ABLIM2: variants seen among roughly 807,000 people sequenced by gnomAD.
The protein encoded by ABLIM2 is actin binding LIM protein family member 2.
In ABLIM2, 53 loss-of-function variants were observed where a neutral mutation model predicts 97.7. That is an observed-to-expected ratio of 0.54 (90% CI 0.44 to 0.68). The LOEUF is 0.68. Among genes scored for constraint, ABLIM2 ranks in the 30% least tolerant of loss-of-function variants. The pLI is 0.00. For synonymous variants in ABLIM2, 361 were observed against 345.8 expected (o/e 1.04, Z -0.49); for missense variants, 835 against 867.2 (o/e 0.96, Z 0.47).
chr4:8,150,691 C>G lies in ABLIM2; in HGVS notation c.10+7989G>C, dbSNP rs967312382. 6.6e-6 allele frequency among the ~76,000 whole-genome samples: 1 copy of G among 152,200 alleles called. No individual in the cohort carries two copies. Among genetic ancestry groups the G allele is most frequent in the Non-Finnish European group, 1.5e-5 (1 of 68,040 alleles). On this transcript the variant is annotated intron_variant, in intron 1 of 20. Coordinates refer to ENST00000447017, the MANE Select transcript of ABLIM2 (RefSeq NM_001130083.2). The surrounding 1 kb of genome is among the most constrained non-coding windows in gnomAD (Gnocchi z 6.3). ...GCTAAAATGAAGCTTCGAGCTGAGACCGATGACTCAAGACACCACGCCTCC... is the reference window on the plus strand; with the variant it reads ...GCTAAAATGAAGCTTCGAGCTGAGAGCGATGACTCAAGACACCACGCCTCC...
At chr4:8,030,602 G>A (rs559441374) in intron 10 of ABLIM2, among the ~76,000 whole-genome samples, 1 of 152,172 alleles carries the variant, frequency 6.6e-6, no homozygotes, top group Non-Finnish European at 1.5e-5. Flanking sequence ...ACCTCCATGC[G>A]CTCAGGCCAG....
At chr4:7,990,832 C>T (rs1748131180) in intron 17 of ABLIM2, among the ~76,000 whole-genome samples, 1 of 152,064 alleles carries the variant, frequency 6.6e-6, no homozygotes, top group South Asian at 2.1e-4. Flanking sequence ...CATAACAGTA[C>T]ATAAAAGTCG....
chr4:8,031,640 C>T (rs1780974004), intron 10 of ABLIM2, among the ~76,000 whole-genome samples: 1 of 152,192 alleles, frequency 6.6e-6, no homozygotes, highest in South Asian at 2.1e-4. Context: ...TATGTGACTT[C>T]CCTGTGCCTC....
chr4:8,145,267 T>C (rs986152579), intron 1 of ABLIM2, among the ~76,000 whole-genome samples: 86 of 152,110 alleles, frequency 5.7e-4, no homozygotes, highest in African/African-American at 2.0e-3. Flanking sequence ...CACTGCAATC[T>C]TCGCCTCCCA....
At chr4:8,048,709 A>C (rs1579763045) in intron 8 of ABLIM2, among the ~76,000 whole-genome samples, 1 of 151,236 alleles carries the variant, frequency 6.6e-6, no homozygotes, top group Non-Finnish European at 1.5e-5. Flanking sequence ...TTCCTCCTGG[A>C]CTCCCACCCA....
At chr4:8,031,863 A>G (rs1487269843) in intron 10 of ABLIM2, among the ~76,000 whole-genome samples, 1 of 151,584 alleles carries the variant, frequency 6.6e-6, no homozygotes, top group African/African-American at 2.4e-5. Context: ...AGCTGGGATT[A>G]CAGGTGTGTG....
rs1712032632 is a variant in ABLIM2, at chr4:8,149,879, G to A, written c.10+8801C>T. Among the ~76,000 whole-genome samples the A allele has an allele frequency of 6.6e-6, 1 of 152,062 alleles. No individual in the cohort carries two copies. Among genetic ancestry groups the A allele is most frequent in the Non-Finnish European group, 1.5e-5 (1 of 68,004 alleles). ...ACCCCACACAGCCGGTCCCTCTGTG[G>A]GACGATTCAGAGGCTCCCAGTGGGA... On this transcript the variant is annotated intron_variant, in intron 1 of 20. Coordinates refer to ENST00000447017, the MANE Select transcript of ABLIM2 (RefSeq NM_001130083.2). This position sits in a 1 kb window ranked among gnomAD's most constrained non-coding sequence, Gnocchi z 6.4.
chr4:7,984,626 A>G (rs1741985492), intron 18 of ABLIM2, among the ~76,000 whole-genome samples: 1 of 152,234 alleles, frequency 6.6e-6, no homozygotes, highest in African/African-American at 2.4e-5. Context: ...GATGGGACAG[A>G]GGGAGCATCG....
chr4:8,012,962 G>C (rs1290434434), intron 14 of ABLIM2, among the ~76,000 whole-genome samples: 1 of 152,176 alleles, frequency 6.6e-6, no homozygotes, highest in Non-Finnish European at 1.5e-5. Flanking sequence ...TGTGCTGAGT[G>C]CCTACTGTGC....
chr4:8,020,538 A>C, intron 12 of ABLIM2: 2 of 622,330 alleles, frequency 3.2e-6, no homozygotes, highest in Admixed American at 4.6e-5. Flanking sequence ...AAGGCAGAGG[A>C]GCGACATTGC....
At position 8,036,214 on chromosome 4, in the gene ABLIM2, G is replaced by T; in HGVS notation, c.982C>A (p.Pro328Thr). Residue 328 changes from proline (P) to threonine (T), a missense_variant, in exon 10 of 21, where the codon CCC becomes ACC. Coordinates refer to ENST00000447017, the MANE Select transcript of ABLIM2 (RefSeq NM_001130083.2). ...TAGGGTGAGTAGGAGATCATGTCGG[G>T]GCGGTCGATGTCATAGATGGCCTTA... is the stretch of plus-strand genomic sequence containing the variant. ...KSKAIYDIDR[P>T]DMISYSPYIS... 6.2e-7 allele frequency: 1 copy of T among 1,613,924 alleles called. No homozygotes were observed. The highest frequency in any genetic ancestry group is 8.5e-7 in the Non-Finnish European group (1 of 1,179,834).
rs1790328466 is a variant in ABLIM2, at chr4:8,043,843, T to C, written c.900+1321A>G. ...ACCCAGGCAGCGCCTCAGTGAGCCC[T>C]GGACCGAAGGTGCCTGGGGGTCTCC... is the stretch of plus-strand genomic sequence containing the variant. On this transcript the variant is annotated intron_variant, in intron 9 of 20. Transcript: ENST00000447017. This position sits in a 1 kb window ranked among gnomAD's most constrained non-coding sequence, Gnocchi z 4.8. 6.6e-6 allele frequency among the ~76,000 whole-genome samples: 1 copy of C among 152,220 alleles called. No homozygotes were observed. Among genetic ancestry groups the C allele is most frequent in the South Asian group, 2.1e-4 (1 of 4,832 alleles).
chr4:8,001,383 G>A lies in ABLIM2; in HGVS notation c.1618+6676C>T, dbSNP rs1344750577. 6.6e-6 allele frequency among the ~76,000 whole-genome samples: 1 copy of A among 152,166 alleles called. No homozygotes were observed. On this transcript the variant is annotated intron_variant, in intron 16 of 20. Coordinates refer to ENST00000447017, the MANE Select transcript of ABLIM2 (RefSeq NM_001130083.2). This position sits in a 1 kb window ranked among gnomAD's most constrained non-coding sequence, Gnocchi z 4.2. The stretch of plus-strand genomic sequence containing the variant: ...TGTGGATAAGCCTGCTGGGCAGGGG[G>A]AGGTGTGGGGATTCCGGCTGAAGGC...
At chr4:8,076,352 C>G (rs1177229631) in intron 6 of ABLIM2, among the ~76,000 whole-genome samples, 1 of 152,222 alleles carries the variant, frequency 6.6e-6, no homozygotes, top group Admixed American at 6.5e-5. Context: ...GTCCTGGGTA[C>G]CAGCTGTGGG....
intron 3 of ABLIM2, among the ~76,000 whole-genome samples, chr4:8,090,004 G>A (rs1024592826): frequency 5.9e-5 from 9 of 152,226 alleles, no homozygotes; most frequent in African/African-American, 2.2e-4. Context: ...ACCCACCTGT[G>A]GGGCTGGCAT....
In ABLIM2 at chr4:7,992,177, AC is replaced by A. The variant is rs1414510755; in HGVS notation, c.1680+688del. Among the ~76,000 whole-genome samples the A allele has an allele frequency of 6.6e-6, 1 of 151,848 alleles. No homozygotes were observed. Among genetic ancestry groups the A allele is most frequent in the Non-Finnish European group, 1.5e-5 (1 of 67,942 alleles). ...TGTGACGCTGTGGGCAGAGGAACAA[AC>A]ATAAGCCGCTCTTCCTAAGGCGTTC... On this transcript the variant is annotated intron_variant, in intron 17 of 20. Coordinates refer to ENST00000447017, the MANE Select transcript of ABLIM2 (RefSeq NM_001130083.2). The surrounding 1 kb of genome is among the most constrained non-coding windows in gnomAD (Gnocchi z 5.7).
chr4:8,127,538 G>C lies in ABLIM2; in HGVS notation c.11-20901C>G. 7.8e-7 allele frequency: 1 copy of C among 1,289,800 alleles called. No homozygotes were observed. Among genetic ancestry groups the C allele is most frequent in the South Asian group, 1.2e-5 (1 of 81,026 alleles). The allele number at this position is 1,289,800 out of a possible 1,614,324, so 79.9% of individuals were successfully genotyped here. ...ATGGTCTGGGCAAAAGCGCAGTTTGGGGATTTACCTGTGTCTCCCCCTGGC... is the reference window on the plus strand; with the variant it reads ...ATGGTCTGGGCAAAAGCGCAGTTTGCGGATTTACCTGTGTCTCCCCCTGGC... On this transcript the variant is annotated intron_variant, in intron 1 of 20. Coordinates refer to ENST00000447017, the MANE Select transcript of ABLIM2 (RefSeq NM_001130083.2). The surrounding 1 kb of genome is among the most constrained non-coding windows in gnomAD (Gnocchi z 7.3).
At chr4:8,051,421 G>GTGGT (rs757674638) in intron 8 of ABLIM2, among the ~76,000 whole-genome samples, 356 of 152,018 alleles carry the variant, frequency 2.3e-3, no homozygotes, top group Non-Finnish European at 4.0e-3. Context: ...GCTGGACGTG[G>GTGGT]TGGTGCGTGG....
intron 3 of ABLIM2, among the ~76,000 whole-genome samples, chr4:8,092,120 C>T (rs938931507): frequency 6.6e-6 from 1 of 150,714 alleles, no homozygotes; most frequent in Non-Finnish European, 1.5e-5. Context: ...GCCTCAGCCT[C>T]CTGAGTAGCT....
Sources: gnomAD v4.1 joint callset for allele counts (sites outside exome capture counted in the v4.1 genomes callset) on GRCh38, gnomAD v4.1.1 for gene constraint, Gnocchi (gnomAD v3.1) non-coding constraint, MANE v1.5 for transcripts, NCBI Gene and HGNC (gene_info 2026-07-23, HGNC 2026-07-21) for gene names.